Variants in STX1A observed in about 807,000 individuals in gnomAD.
STX1A encodes syntaxin-1A.
Under a neutral mutation model 37.8 loss-of-function variants are expected in STX1A, and 4 were observed. The ratio of observed to expected loss-of-function variants is 0.11; its 90% CI spans 0.05 to 0.24. The LOEUF (loss-of-function observed/expected upper bound fraction) is 0.24. Among genes scored for constraint, STX1A ranks in the 10% least tolerant of loss-of-function variants. The probability of loss-of-function intolerance (pLI) is 1.00; values close to 1 mark genes in which losing one functional copy is unlikely to be tolerated. For synonymous variants in STX1A, 135 were observed against 147.4 expected (o/e 0.92, Z 0.61); for missense variants, 251 against 399.9 (o/e 0.63, Z 3.18).
In STX1A at chr7:73,705,324, G is replaced by A. The variant is rs1798830955; in HGVS notation, c.209-100C>T. The A allele has an allele frequency of 2.1e-6, 2 of 975,120 alleles. No individual in the cohort carries two copies. Among genetic ancestry groups the A allele is most frequent in the Admixed American group, 3.5e-5 (2 of 57,350 alleles). 60.4% of individuals were successfully genotyped at this position (975,120 alleles called of 1,614,324 possible). On this transcript the variant is annotated intron_variant, in intron 3 of 9. Coordinates refer to ENST00000222812, the MANE Select transcript of STX1A (RefSeq NM_004603.4). This position sits in a 1 kb window ranked among gnomAD's most constrained non-coding sequence, Gnocchi z 5.2. ...CAGGGGGCCCAGTGGGAGGCTCTGG[G>A]AAGATCCCTGTTCTCCCCTGTTCCC...
Position 73,705,289 on chromosome 7 carries a change from G to T in STX1A, c.209-65C>A. On this transcript the variant is annotated intron_variant, in intron 3 of 9. Coordinates refer to ENST00000222812, the MANE Select transcript of STX1A (RefSeq NM_004603.4). The surrounding 1 kb of genome is among the most constrained non-coding windows in gnomAD (Gnocchi z 5.2). ...CCGCGGGGACTGATGTGCAGGCTCA[G>T]CCTCCAGCCCAGGGGGCCCAGTGGG... The T allele has an allele frequency of 7.2e-7, 1 of 1,391,360 alleles. No homozygotes were observed. Among genetic ancestry groups the T allele is most frequent in the South Asian group, 1.2e-5 (1 of 86,546 alleles). The allele number at this position is 1,391,360 out of a possible 1,614,324, so 86.2% of individuals were successfully genotyped here.
chr7:73,700,326 G>A lies in STX1A; in HGVS notation c.*81C>T. On this transcript the variant is annotated 3_prime_UTR_variant, in exon 10 of 10. Coordinates refer to ENST00000222812, the MANE Select transcript of STX1A (RefSeq NM_004603.4). This position sits in a 1 kb window ranked among gnomAD's most constrained non-coding sequence, Gnocchi z 4.4. ...GCTCTGAGCCAGAGGCGGGGGTTGG[G>A]AGGGCAGCCCAGCCAGGTGGCAGCA... is the stretch of plus-strand genomic sequence containing the variant. 1.4e-6 allele frequency: 2 copies of A among 1,437,930 alleles called. No individual in the cohort carries two copies. Among genetic ancestry groups the A allele is most frequent in the South Asian group, 2.3e-5 (2 of 85,864 alleles). The allele number at this position is 1,437,930 out of a possible 1,614,324, so 89.1% of individuals were successfully genotyped here.
chr7:73,709,308 C>T lies in STX1A; in HGVS notation c.31-186G>A, dbSNP rs373187442. Among the ~76,000 whole-genome samples, 2 of 152,078 alleles carry T rather than the reference C, an allele frequency of 1.3e-5. No individual in the cohort carries two copies. The highest frequency in any genetic ancestry group is 3.9e-4 in the East Asian group (2 of 5,188). On this transcript the variant is annotated intron_variant, in intron 1 of 9. Coordinates refer to ENST00000222812, the MANE Select transcript of STX1A (RefSeq NM_004603.4). The surrounding 1 kb of genome is among the most constrained non-coding windows in gnomAD (Gnocchi z 4.2). Reference sequence around the variant, plus strand: ...GTAAGATCTGGAGGACCACTGGGGGCCCGGCACAGAGAGAGGAACCTTGCC... The same window carrying T: ...GTAAGATCTGGAGGACCACTGGGGGTCCGGCACAGAGAGAGGAACCTTGCC...
In STX1A at chr7:73,717,890, C is replaced by A. The variant is rs1054992457; in HGVS notation, c.30+1712G>T. On this transcript the variant is annotated intron_variant, in intron 1 of 9. Coordinates refer to ENST00000222812, the MANE Select transcript of STX1A (RefSeq NM_004603.4). The surrounding 1 kb of genome is among the most constrained non-coding windows in gnomAD (Gnocchi z 4.1). ...GACTATCTTCAGGGATGAGGCAAAG[C>A]CCTTTTCTACCACCCCTCCCTCTAG... Among the ~76,000 whole-genome samples the A allele has an allele frequency of 4.6e-5, 7 of 152,178 alleles. No individual in the cohort carries two copies. The highest frequency in any genetic ancestry group is 1.0e-4 in the Non-Finnish European group (7 of 68,026).
Position 73,702,320 on chromosome 7 carries a change from C to CT in STX1A, c.678+524dup. Among the ~76,000 whole-genome samples the CT allele has an allele frequency of 6.6e-6, 1 of 152,294 alleles. No homozygotes were observed. Among genetic ancestry groups the CT allele is most frequent in the East Asian group, 1.9e-4 (1 of 5,176 alleles). The stretch of plus-strand genomic sequence containing the variant: ...GGAACCATAGTGGTGGTGGCACCAC[C>CT]TTTGAGCTTGTCAGAGAGGCACCTT... On this transcript the variant is annotated intron_variant, in intron 8 of 9. Coordinates refer to ENST00000222812, the MANE Select transcript of STX1A (RefSeq NM_004603.4). This position sits in a 1 kb window ranked among gnomAD's most constrained non-coding sequence, Gnocchi z 4.7.
intron 1 of STX1A, among the ~76,000 whole-genome samples, chr7:73,713,044 A>C (rs1799160371): frequency 6.6e-6 from 1 of 152,240 alleles, no homozygotes; most frequent in Non-Finnish European, 1.5e-5. Flanking sequence ...AAAAGCCCCA[A>C]GCCCTTCCCA....
At chr7:73,707,017 A>G (rs3793243) in intron 3 of STX1A, among the ~76,000 whole-genome samples, 82,880 of 151,938 alleles carry the variant, frequency 0.55, 22,800 homozygotes, top group Middle Eastern at 0.7. Flanking sequence ...TGGGGCTGTG[A>G]AAAGATTTAC....
At chr7:73,704,683 CCCTATG>C (rs1322876920) in intron 4 of STX1A, 17 of 566,564 alleles carry the variant, frequency 3.0e-5, no homozygotes, top group Non-Finnish European at 5.4e-5. Context: ...GCTCCGGCCA[CCCTATG>C]CCTGGGTACC....
chr7:73,716,744 A>T (rs996032159), intron 1 of STX1A: 2 of 152,256 alleles, frequency 1.3e-5, no homozygotes, highest in Non-Finnish European at 2.9e-5. Flanking sequence ...CCTGGCACAT[A>T]GACAAATACA....
In STX1A at chr7:73,700,951, G is replaced by C. The variant is rs566235198; in HGVS notation, c.679-111C>G. On this transcript the variant is annotated intron_variant, in intron 8 of 9. Coordinates refer to ENST00000222812, the MANE Select transcript of STX1A (RefSeq NM_004603.4). The surrounding 1 kb of genome is among the most constrained non-coding windows in gnomAD (Gnocchi z 4.4). ...CTGAGGCTAGAGACAAAAAGGGGGC[G>C]TGAGGAGGTTAGGGTACAGCTTCTC... is the stretch of plus-strand genomic sequence containing the variant. 6.5e-7 allele frequency: 1 copy of C among 1,544,606 alleles called. No homozygotes were observed. Among genetic ancestry groups the C allele is most frequent in the Non-Finnish European group, 8.7e-7 (1 of 1,150,294 alleles).
At chr7:73,710,420 CTTTTAT>C (rs556306351) in intron 1 of STX1A, among the ~76,000 whole-genome samples, 1 of 152,188 alleles carries the variant, frequency 6.6e-6, no homozygotes, top group African/African-American at 2.4e-5. Context: ...GTTCCCACCT[CTTTTAT>C]TTTTATTTTT....
chr7:73,703,033 G>C, intron 7 of STX1A, 51 bp from the exon 8 acceptor site: 1 of 1,340,340 alleles, frequency 7.5e-7, no homozygotes, highest in Non-Finnish European at 1.0e-6. Flanking sequence ...GAGGGGCAGG[G>C]CAGAGGGCCG....
chr7:73,703,815 C>G lies in STX1A; in HGVS notation c.480G>C (p.Thr160=), dbSNP rs887251828. The G allele has an allele frequency of 1.9e-6, 3 of 1,613,850 alleles. No individual in the cohort carries two copies. Among genetic ancestry groups the G allele is most frequent in the Non-Finnish European group, 2.5e-6 (3 of 1,179,912 alleles). ...QRQLEITGRT[T]TSEELEDMLE... is the part of the protein sequence containing the mutation. ...GCATGTCCTCCAGCTCCTCACTGGT[C>G]GTGGTCCTGCCGGCTGCAAGCGAGT... The change falls in exon 7 of 10, where the codon ACG becomes ACC. Residue 160 remains threonine, a synonymous_variant. Coordinates refer to ENST00000222812, the MANE Select transcript of STX1A (RefSeq NM_004603.4).
Position 73,699,429 on chromosome 7 carries a change from A to G in STX1A, c.*978T>C, listed in dbSNP as rs1214545018. 1 of 152,660 alleles carries G rather than the reference A, an allele frequency of 6.6e-6. No homozygotes were observed. The highest frequency in any genetic ancestry group is 2.4e-5 in the African/African-American group (1 of 41,444). The allele number at this position is 152,660 out of a possible 1,614,324, so 9.5% of individuals were successfully genotyped here. On this transcript the variant is annotated 3_prime_UTR_variant, in exon 10 of 10. Transcript: ENST00000222812. ...CTCGCATGCATCTCCCTGCCTGTCC[A>G]CAAGGGAGAGGGTCCTGGGGCGGGG...
chr7:73,705,957 G>A lies in STX1A; in HGVS notation c.209-733C>T, dbSNP rs1798856075. 6.6e-6 allele frequency: 1 copy of A among 152,334 alleles called. No homozygotes were observed. Among genetic ancestry groups the A allele is most frequent in the African/African-American group, 2.4e-5 (1 of 41,448 alleles). The allele number at this position is 152,334 out of a possible 1,614,324, so 9.4% of individuals were successfully genotyped here. A position where few individuals can be genotyped will look rare whatever the true frequency, so the allele number is the denominator to read the frequency against. On this transcript the variant is annotated intron_variant, in intron 3 of 9. Transcript: ENST00000222812. This position sits in a 1 kb window ranked among gnomAD's most constrained non-coding sequence, Gnocchi z 5.2. Reference sequence around the variant, plus strand: ...GAACCATCTCCCTAAAGCTGGCAGAGGCCATGGGGGTGCCCAGCTTGCCCC... The same window carrying A: ...GAACCATCTCCCTAAAGCTGGCAGAAGCCATGGGGGTGCCCAGCTTGCCCC...
intron 4 of STX1A, 150 bp from the exon 5 acceptor site, chr7:73,704,573 A>AG: frequency 2.2e-6 from 2 of 917,564 alleles, no homozygotes; most frequent in Non-Finnish European, 3.3e-6. Flanking sequence ...CCGATGGAGG[A>AG]GGGGCCTACA....
rs1315417309 is a variant in STX1A, at chr7:73,709,311, G to A, written c.31-189C>T. 4.6e-5 allele frequency among the ~76,000 whole-genome samples: 7 copies of A among 152,174 alleles called. No homozygotes were observed. The highest frequency in any genetic ancestry group is 2.1e-4 in the South Asian group (1 of 4,822). Reference sequence around the variant, plus strand: ...AGATCTGGAGGACCACTGGGGGCCCGGCACAGAGAGAGGAACCTTGCCTGA... The same window carrying A: ...AGATCTGGAGGACCACTGGGGGCCCAGCACAGAGAGAGGAACCTTGCCTGA... On this transcript the variant is annotated intron_variant, in intron 1 of 9. Coordinates refer to ENST00000222812, the MANE Select transcript of STX1A (RefSeq NM_004603.4). This position sits in a 1 kb window ranked among gnomAD's most constrained non-coding sequence, Gnocchi z 4.2.
rs1798770987 is a variant in STX1A at position 73,704,025 on chromosome 7, G to T, written c.466+123C>A. 22 of 1,171,522 alleles carry T rather than the reference G, an allele frequency of 1.9e-5. No homozygotes were observed. In the South Asian group the frequency reaches 2.6e-4, roughly 14 times the overall value. The allele number at this position is 1,171,522 out of a possible 1,614,324, so 72.6% of individuals were successfully genotyped here. A position where few individuals can be genotyped will look rare whatever the true frequency, so the allele number is the denominator to read the frequency against. ...CCCTCCAGCCCCAAACTCAGCAGCT[G>T]CCTCGGGCCACCCGCCTCGGGCCCC... On this transcript the variant is annotated intron_variant, in intron 6 of 9. Transcript: ENST00000222812.
chr7:73,703,894 C>T (rs1226318235), intron 6 of STX1A, 66 bp from the exon 7 acceptor site: 2 of 1,530,638 alleles, frequency 1.3e-6, no homozygotes, highest in Non-Finnish European at 1.8e-6. Flanking sequence ...GCATTGGGCC[C>T]CGCCCCCTCC....
Sources: gnomAD v4.1 joint callset for allele counts (sites outside exome capture counted in the v4.1 genomes callset) on GRCh38, gnomAD v4.1.1 for gene constraint, Gnocchi (gnomAD v3.1) non-coding constraint, MANE v1.5 for transcripts, NCBI Gene and HGNC (gene_info 2026-07-23, HGNC 2026-07-21) for gene names.